The following TENM3 variants were observed in gnomAD, a reference collection of about 807,000 sequenced individuals.
The protein encoded by TENM3 is teneurin-3.
In TENM3, 63 loss-of-function variants were observed where a neutral mutation model predicts 255.1. The ratio of observed to expected loss-of-function variants is 0.25; its 90% CI spans 0.20 to 0.30. TENM3 has a LOEUF of 0.30. TENM3 is among the 10% of genes least tolerant of loss of function. The pLI is 1.00. For missense variants in TENM3, 2,929 were observed against 3,461.1 expected (o/e 0.85, Z 3.86); for synonymous variants, 1,306 against 1,322.3 (o/e 0.99, Z 0.27).
intron 1 of TENM3, among the ~76,000 whole-genome samples, chr4:182,215,436 C>T (rs570858400): frequency 6.6e-6 from 1 of 152,220 alleles, no homozygotes; most frequent in South Asian, 2.1e-4. Flanking sequence ...TTGTTGAGCT[C>T]ATCATGTGGT....
intron 11 of TENM3, among the ~76,000 whole-genome samples, chr4:182,685,552 A>G (rs1157447630): frequency 6.6e-6 from 1 of 152,160 alleles, no homozygotes; most frequent in South Asian, 2.1e-4. Flanking sequence ...ATTTACATAT[A>G]AAATAAGCAT....
At chr4:181,888,083 G>T in the TENM3 span, among the ~76,000 whole-genome samples, 6 of 152,108 alleles carry the variant, frequency 3.9e-5, no homozygotes, top group South Asian at 1.0e-3. Context: ...AGGCTGGAGT[G>T]CAGTGGAATA....
the TENM3 span, among the ~76,000 whole-genome samples, chr4:181,816,663 C>T: frequency 6.6e-6 from 1 of 152,114 alleles, no homozygotes; most frequent in African/African-American, 2.4e-5. Context: ...TGCTGATTTC[C>T]TGTCTCAGTT....
the TENM3 span, among the ~76,000 whole-genome samples, chr4:181,641,433 G>A: frequency 6.7e-6 from 1 of 150,176 alleles, no homozygotes; most frequent in Non-Finnish European, 1.5e-5. Flanking sequence ...AACATGCGGT[G>A]TTTGGTTTTC....
At chr4:182,431,249 A>G (rs1382963148) in intron 3 of TENM3, among the ~76,000 whole-genome samples, 3 of 151,906 alleles carry the variant, frequency 2.0e-5, no homozygotes, top group Admixed American at 2.0e-4. Context: ...TAATCCCAGC[A>G]CTTTGGGAGA....
the TENM3 span, among the ~76,000 whole-genome samples, chr4:181,709,988 C>T: frequency 6.6e-6 from 1 of 152,126 alleles, no homozygotes; most frequent in East Asian, 1.9e-4. Context: ...CAGTAATTTA[C>T]TCTGGACACA....
the TENM3 span, among the ~76,000 whole-genome samples, chr4:181,793,158 G>A: frequency 6.6e-6 from 1 of 152,186 alleles, no homozygotes; most frequent in African/African-American, 2.4e-5. Flanking sequence ...TGAGACTTCT[G>A]TAAACTGCGC....
intron 3 of TENM3, among the ~76,000 whole-genome samples, chr4:182,443,845 A>G (rs573033750): frequency 5.4e-4 from 83 of 152,328 alleles, no homozygotes; most frequent in South Asian, 1.9e-3. Context: ...TTTGGCAAGC[A>G]GTGGACATGA....
At chr4:181,542,418 G>C in the TENM3 span, among the ~76,000 whole-genome samples, 1 of 152,166 alleles carries the variant, frequency 6.6e-6, no homozygotes, top group Non-Finnish European at 1.5e-5. Context: ...AAGGTTTTGA[G>C]TAGCAGATTT....
chr4:181,582,669 CAAAAAAAA>C, the TENM3 span, among the ~76,000 whole-genome samples: 1 of 124,756 alleles, frequency 8.0e-6, no homozygotes, highest in South Asian at 2.7e-4. Flanking sequence ...CAAAACAAAT[CAAAAAAAA>C]AAAAAAAAAG....
intron 27 of TENM3, among the ~76,000 whole-genome samples, chr4:182,798,154 C>T (rs1381585121): frequency 1.3e-5 from 2 of 152,044 alleles, no homozygotes; most frequent in Admixed American, 1.3e-4. Flanking sequence ...ACTACAGGCA[C>T]GTGCCACCAC....
chr4:181,792,766 C>G, the TENM3 span, among the ~76,000 whole-genome samples: 5 of 151,978 alleles, frequency 3.3e-5, no homozygotes, highest in African/African-American at 1.2e-4. Flanking sequence ...TTTTCAAAAC[C>G]CTCCTTTATT....
chr4:182,730,450 T>G, intron 15 of TENM3, 131 bp downstream of exon 15: 2 of 965,168 alleles, frequency 2.1e-6, no homozygotes, highest in Non-Finnish European at 3.0e-6. Flanking sequence ...TACAAACTTG[T>G]GACAGTACAT....
At chr4:181,652,812 A>T in the TENM3 span, among the ~76,000 whole-genome samples, 1 of 152,224 alleles carries the variant, frequency 6.6e-6, no homozygotes, top group African/African-American at 2.4e-5. Flanking sequence ...AAACAAACAC[A>T]TGTAATGACT....
At chr4:181,960,747 T>TA in the TENM3 span, among the ~76,000 whole-genome samples, 1 of 152,222 alleles carries the variant, frequency 6.6e-6, no homozygotes, top group Admixed American at 6.5e-5. Flanking sequence ...CAACTGCCCG[T>TA]AAAATCATTA....
At chr4:182,731,330 C>T (rs1025834030) in intron 16 of TENM3, among the ~76,000 whole-genome samples, 191 bp downstream of exon 16, 2 of 151,862 alleles carry the variant, frequency 1.3e-5, no homozygotes, top group African/African-American at 4.8e-5. Context: ...ATAGTGAAAC[C>T]CCATCTGTAC....
At chr4:182,145,469 G>A (rs572892044) in intron 1 of TENM3, among the ~76,000 whole-genome samples, 2 of 152,326 alleles carry the variant, frequency 1.3e-5, no homozygotes, top group East Asian at 3.9e-4. Flanking sequence ...ATTACAAAGA[G>A]CTTCACGTAT....
chr4:182,078,188 T>A, the TENM3 span, among the ~76,000 whole-genome samples: 2 of 152,080 alleles, frequency 1.3e-5, no homozygotes, highest in Non-Finnish European at 2.9e-5. Flanking sequence ...ATTGTGGCAC[T>A]GCACTCTAGT....
intron 1 of TENM3, among the ~76,000 whole-genome samples, chr4:182,161,786 A>T (rs28538245): frequency 0.7 from 12,873 of 18,306 alleles, 4,422 homozygotes; most frequent in Non-Finnish European, 0.73. Context: ...TATATACACA[A>T]ATATATGTAT....
Sources: gnomAD v4.1 joint callset for allele counts (sites outside exome capture counted in the v4.1 genomes callset) on GRCh38, gnomAD v4.1.1 for gene constraint, MANE v1.5 for transcripts, NCBI Gene and HGNC (gene_info 2026-07-23, HGNC 2026-07-21) for gene names.